Variants in ZFX observed in about 807,000 individuals in gnomAD.
ZFX encodes the protein zinc finger protein X-linked, also known as zinc finger X-chromosomal protein.
For missense variants in ZFX, 362 were observed against 628.3 expected (o/e 0.58, Z 4.53); for synonymous variants, 196 against 226.8 (o/e 0.86, Z 1.22).
At chrX:24,156,679 G>C (rs1015368871) in intron 3 of ZFX, among the ~76,000 whole-genome samples, 1 of 36,381 alleles carries the variant, frequency 2.7e-5, no homozygotes, top group Non-Finnish European at 4.2e-5. Flanking sequence ...TTTGGAGACG[G>C]AGTTTTGCTC....
intron 5 of ZFX, among the ~76,000 whole-genome samples, chrX:24,204,419 C>G (rs193005564): frequency 8.9e-6 from 1 of 112,005 alleles, no homozygotes; most frequent in East Asian, 2.8e-4. Flanking sequence ...CACGACAGAA[C>G]TTTGCAGAAG....
intron 5 of ZFX, 33 bp downstream of exon 5, chrX:24,179,803 G>A: frequency 8.8e-7 from 1 of 1,133,047 alleles, no homozygotes; most frequent in East Asian, 3.0e-5. Flanking sequence ...TGTCAAAGGT[G>A]TTTTTGTAGG....
At chrX:24,209,628 C>T (rs1937910948) in intron 9 of ZFX, among the ~76,000 whole-genome samples, 1 of 111,178 alleles carries the variant, frequency 9.0e-6, no homozygotes, top group Admixed American at 9.6e-5. Flanking sequence ...GGCTGGAGTG[C>T]AGTGGCGTGA....
chrX:24,193,614 A>T (rs1187044838), intron 5 of ZFX, among the ~76,000 whole-genome samples: 1 of 111,894 alleles, frequency 8.9e-6, no homozygotes, highest in South Asian at 3.7e-4. Context: ...GCCAAGCAAC[A>T]ATCCCCTAGA....
Position 24,210,917 on chromosome X carries a change from T to C in ZFX, c.1959T>C (p.Ile653=). The change falls in exon 10 of 10, where the codon ATT becomes ATC. Residue 653 remains isoleucine (I), a synonymous_variant. Coordinates refer to ENST00000304543, the MANE Select transcript of ZFX (RefSeq NM_003410.4). The part of the protein sequence containing the change: ...SNSSDLKRHI[I]SVHTKDYPHK... Reference sequence around the variant, plus strand: ...CAAGTGATTTGAAACGACACATAATTTCAGTTCACACGAAAGACTACCCCC... The same window carrying C: ...CAAGTGATTTGAAACGACACATAATCTCAGTTCACACGAAAGACTACCCCC... 1 of 1,210,904 alleles carries C rather than the reference T, an allele frequency of 8.3e-7. No individual in the cohort carries two copies. The highest frequency in any genetic ancestry group is 1.1e-6 in the Non-Finnish European group (1 of 895,343).
At chrX:24,160,359 C>T (rs1341128513) in intron 3 of ZFX, among the ~76,000 whole-genome samples, 10 of 97,175 alleles carry the variant, frequency 1.0e-4, no homozygotes, top group African/African-American at 3.6e-4. Flanking sequence ...AGTGCAGTGG[C>T]GCACTCTCGG....
chrX:24,158,220 C>T (rs1234824233), intron 3 of ZFX, among the ~76,000 whole-genome samples: 1 of 110,624 alleles, frequency 9.0e-6, no homozygotes, highest in African/African-American at 3.3e-5. Context: ...AAGGGTACAG[C>T]TTACAATTGG....
chrX:24,174,519 G>A (rs1378208440), intron 4 of ZFX, among the ~76,000 whole-genome samples: 1 of 105,861 alleles, frequency 9.4e-6, no homozygotes, highest in Non-Finnish European at 1.9e-5. Context: ...TCAGCCTCCC[G>A]AGTAGCTGGG....
intron 5 of ZFX, among the ~76,000 whole-genome samples, chrX:24,194,866 C>T (rs1025668753): frequency 9.2e-6 from 1 of 108,367 alleles, no homozygotes; most frequent in Non-Finnish European, 1.9e-5. Flanking sequence ...CCTGCCTCAG[C>T]CCCCCAAGTA....
intron 6 of ZFX, 84 bp from the exon 7 acceptor site, chrX:24,207,628 A>G: frequency 8.7e-7 from 1 of 1,148,027 alleles, no homozygotes; most frequent in Non-Finnish European, 1.2e-6. Context: ...TGTAAAAAGT[A>G]ATAAGAAAAT....
intron 3 of ZFX, among the ~76,000 whole-genome samples, chrX:24,165,454 A>AT (rs1297563483): frequency 8.9e-6 from 1 of 112,844 alleles, no homozygotes. Flanking sequence ...CATATTGCTC[A>AT]TTGAGAAGGG....
upstream of ZFX, chrX:24,149,126 CG>C (rs1931641564): frequency 9.2e-6 from 1 of 108,314 alleles, no homozygotes; most frequent in Non-Finnish European, 1.9e-5. Flanking sequence ...CAGGGGACGG[CG>C]GGGGTTGCTA....
intron 4 of ZFX, among the ~76,000 whole-genome samples, chrX:24,175,954 C>A (rs1038453670): frequency 2.7e-5 from 3 of 110,404 alleles, no homozygotes; most frequent in African/African-American, 9.9e-5. Flanking sequence ...GATTAGTGAT[C>A]TATTACTTAA....
chrX:24,201,714 T>A (rs1158159038), intron 5 of ZFX, among the ~76,000 whole-genome samples: 3 of 112,465 alleles, frequency 2.7e-5, no homozygotes, highest in Non-Finnish European at 5.6e-5. Context: ...TAGCCGGGTA[T>A]ATCATAAAAA....
chrX:24,194,599 T>G (rs1427200171), intron 5 of ZFX, among the ~76,000 whole-genome samples: 1 of 111,747 alleles, frequency 8.9e-6, no homozygotes, highest in East Asian at 2.8e-4. Flanking sequence ...CTACTCTTTC[T>G]TAAATATATG....
intron 3 of ZFX, among the ~76,000 whole-genome samples, chrX:24,167,602 A>T (rs1934127119): frequency 8.9e-6 from 1 of 112,169 alleles, no homozygotes; most frequent in Non-Finnish European, 1.9e-5. Context: ...ATTGCTATGG[A>T]AAAGAAACTA....
Position 24,175,394 on chromosome X carries a change from C to T in ZFX, c.58+2594C>T, listed in dbSNP as rs779629174. 3 of 111,774 alleles carry T rather than the reference C, an allele frequency of 2.7e-5. No homozygotes were observed. The Admixed American group carries it at 2.8e-4, about 11-fold the overall frequency. The allele number at this position is 111,774 out of a possible 1,213,427, so 9.2% of individuals were successfully genotyped here. On this transcript the variant is annotated intron_variant, in intron 4 of 9. Transcript: ENST00000304543. ...AATGAAACCTCTCATTACAGTTTTTCAGAACACTTCCCATACATTCCCATT... is the reference window on the plus strand; with the variant it reads ...AATGAAACCTCTCATTACAGTTTTTTAGAACACTTCCCATACATTCCCATT...
At chrX:24,181,132 TCCA>T (rs953521680) in intron 5 of ZFX, among the ~76,000 whole-genome samples, 6 of 112,508 alleles carry the variant, frequency 5.3e-5, no homozygotes, top group Admixed American at 3.8e-4. Context: ...TATACTGGAG[TCCA>T]CCAGCATTTT....
chrX:24,164,729 C>A (rs1386506397), intron 3 of ZFX, among the ~76,000 whole-genome samples: 1 of 110,254 alleles, frequency 9.1e-6, no homozygotes, highest in Non-Finnish European at 1.9e-5. Context: ...GTCAGGAGTT[C>A]GAAACCAGCC....
Sources: gnomAD v4.1 joint callset for allele counts (sites outside exome capture counted in the v4.1 genomes callset) on GRCh38, gnomAD v4.1.1 for gene constraint, MANE v1.5 for transcripts, NCBI Gene and HGNC (gene_info 2026-07-23, HGNC 2026-07-21) for gene names.